The following ZNF518A variants were observed in gnomAD, a reference collection of about 807,000 sequenced individuals.
ZNF518A encodes the protein zinc finger protein 518.
A neutral mutation model predicts 102.7 loss-of-function variants in ZNF518A; 47 were observed. The ratio of observed to expected loss-of-function variants is 0.46; its 90% confidence interval spans 0.36 to 0.58. ZNF518A has a LOEUF of 0.58. Among genes scored for constraint, ZNF518A ranks in the 20% least tolerant of loss-of-function variants. The probability of loss-of-function intolerance (pLI) is 0.00; values close to 1 mark genes in which losing one functional copy is unlikely to be tolerated. For missense variants in ZNF518A, 1,793 were observed against 1,699.8 expected, an observed-to-expected ratio of 1.05 and a Z score of -0.96; for synonymous variants, 652 against 594.6, an observed-to-expected ratio of 1.10 and a Z score of -1.40.
intron 3 of ZNF518A, among the ~76,000 whole-genome samples, chr10:96,146,940 T>C (rs2082200183): frequency 6.6e-6 from 1 of 152,240 alleles, no homozygotes; most frequent in African/African-American, 2.4e-5. Context: ...GATCATAGTC[T>C]GGTTTTAGCT....
chr10:96,166,564 C>A (rs1448224649), downstream of ZNF518A, among the ~76,000 whole-genome samples: 3 of 152,024 alleles, frequency 2.0e-5, no homozygotes. Flanking sequence ...GTCAGGAGAT[C>A]GAGACCATCC....
At chr10:96,132,806 G>A (rs587708134) in intron 2 of ZNF518A, 136 bp downstream of exon 2, 6 of 152,016 alleles carry the variant, frequency 3.9e-5, no homozygotes, top group African/African-American at 7.2e-5. Flanking sequence ...AATTTTTTGA[G>A]TGCTGACATG....
chr10:96,201,136 AC>A, intron 1 of ZNF518A: 3 of 1,297,262 alleles, frequency 2.3e-6, no homozygotes, highest in Non-Finnish European at 3.4e-6. Flanking sequence ...CTAACACTGT[AC>A]TAGGTGCTGC....
At chr10:96,169,588 T>C (rs1470088935) in intron 1 of ZNF518A, among the ~76,000 whole-genome samples, 1 of 152,208 alleles carries the variant, frequency 6.6e-6, no homozygotes, top group East Asian at 1.9e-4. Context: ...TCTTTAAACA[T>C]GGTTTCTTTT....
intron 1 of ZNF518A, among the ~76,000 whole-genome samples, chr10:96,186,716 A>G (rs1554892617): frequency 6.6e-6 from 1 of 152,108 alleles, no homozygotes; most frequent in East Asian, 1.9e-4. Context: ...TATTATCTTC[A>G]TTTTACAAAT....
intron 3 of ZNF518A, among the ~76,000 whole-genome samples, chr10:96,142,559 A>G (rs2081988655): frequency 6.7e-6 from 1 of 150,146 alleles, no homozygotes. Context: ...TCATGAATAT[A>G]GCTAAGCTAA....
chr10:96,152,740 A>C (rs1430296513), intron 3 of ZNF518A, among the ~76,000 whole-genome samples: 1 of 152,254 alleles, frequency 6.6e-6, no homozygotes, highest in Non-Finnish European at 1.5e-5. Context: ...TACTGTACTG[A>C]ATAGTGTATG....
intron 3 of ZNF518A, among the ~76,000 whole-genome samples, chr10:96,153,873 ATG>A (rs2082569004): frequency 1.3e-5 from 2 of 152,334 alleles, no homozygotes; most frequent in South Asian, 4.1e-4. Flanking sequence ...CAGAAAAAGT[ATG>A]TATTACATTT....
In ZNF518A at chr10:96,192,028, C is replaced by T. The variant is rs782445849; in HGVS notation, n.36-11546C>T. On this transcript the variant is annotated intron_variant and non_coding_transcript_variant, in intron 1 of 2. Coordinates refer to the ZNF518A transcript ENST00000442635. ...GGTGGAATCTTTTGTGTTATTCTGA[C>T]TGTCAATAAGAACCAAAGGACTATG... 28 of 1,613,600 alleles carry T rather than the reference C, an allele frequency of 1.7e-5. No individual in the cohort carries two copies. Among genetic ancestry groups the T allele is most frequent in the Non-Finnish European group, 2.4e-5 (28 of 1,179,784 alleles).
chr10:96,141,097 A>G (rs2081901659), intron 3 of ZNF518A, among the ~76,000 whole-genome samples: 1 of 152,258 alleles, frequency 6.6e-6, no homozygotes. Context: ...TTTGAAAATG[A>G]GAGAATGAAT....
chr10:96,132,295 C>A (rs1340993347), intron 1 of ZNF518A, among the ~76,000 whole-genome samples: 1 of 151,088 alleles, frequency 6.6e-6, no homozygotes, highest in Non-Finnish European at 1.5e-5. Flanking sequence ...TGAATTGGAA[C>A]CGGATCCAGA....
chr10:96,137,673 C>T (rs2081673610), intron 3 of ZNF518A, among the ~76,000 whole-genome samples: 1 of 152,206 alleles, frequency 6.6e-6, no homozygotes, highest in South Asian at 2.1e-4. Flanking sequence ...TTTTTAATCT[C>T]TTTCTGTTGG....
At chr10:96,164,130 A>G (rs1179925967), downstream of ZNF518A, among the ~76,000 whole-genome samples, 2 of 152,250 alleles carry the variant, frequency 1.3e-5, no homozygotes, top group African/African-American at 4.8e-5. Flanking sequence ...TCTTTCAGTG[A>G]TTTGAAATAG....
At chr10:96,185,341 G>A (rs4344426) in intron 1 of ZNF518A, among the ~76,000 whole-genome samples, 12,062 of 152,078 alleles carry the variant, frequency 0.079, 977 homozygotes, top group African/African-American at 0.21. Flanking sequence ...GCTTTGTTCC[G>A]TTGCTGGCGA....
At chr10:96,140,420 C>G (rs1215251119) in intron 3 of ZNF518A, among the ~76,000 whole-genome samples, 1 of 152,096 alleles carries the variant, frequency 6.6e-6, no homozygotes, top group African/African-American at 2.4e-5. Context: ...ACATGTTCTC[C>G]CAGCAAATAG....
In ZNF518A at chr10:96,130,529, G is replaced by C. The variant is rs1554871176; in HGVS notation, c.-676G>C. 1.3e-5 allele frequency: 2 copies of C among 152,432 alleles called. No individual in the cohort carries two copies. Among genetic ancestry groups the C allele is most frequent in the African/African-American group, 4.8e-5 (2 of 41,468 alleles). 9.4% of individuals were successfully genotyped at this position (152,432 alleles called of 1,614,324 possible). A position where few individuals can be genotyped will look rare whatever the true frequency, so the allele number is the denominator to read the frequency against. Reference sequence around the variant, plus strand: ...AAGGGGCGGATCGGGCGCGGTGTTTGGGGCGAAGCTGGGCGCGCGGCGCTC... The same window carrying C: ...AAGGGGCGGATCGGGCGCGGTGTTTCGGGCGAAGCTGGGCGCGCGGCGCTC... On this transcript the variant is annotated 5_prime_UTR_variant, in exon 1 of 6. Transcript: ENST00000316045.
At chr10:96,181,100 G>A (rs1356299937) in intron 1 of ZNF518A, among the ~76,000 whole-genome samples, 3 of 152,228 alleles carry the variant, frequency 2.0e-5, no homozygotes, top group African/African-American at 4.8e-5. Flanking sequence ...GGCCAGTGAT[G>A]ATGAGCACTT....
chr10:96,191,526 T>C (rs2083329736), intron 1 of ZNF518A, among the ~76,000 whole-genome samples: 1 of 152,160 alleles, frequency 6.6e-6, no homozygotes, highest in Non-Finnish European at 1.5e-5. Flanking sequence ...ACATTACCTT[T>C]AATACCTTAT....
At chr10:96,199,640 C>CA (rs2083574942) in intron 1 of ZNF518A, 1 of 405,706 alleles carries the variant, frequency 2.5e-6, no homozygotes, top group Non-Finnish European at 5.0e-6. Flanking sequence ...CTTGTATCTA[C>CA]ACTTGTTGCA....
Sources: gnomAD v4.1 joint callset for allele counts (sites outside exome capture counted in the v4.1 genomes callset) on GRCh38, gnomAD v4.1.1 for gene constraint, MANE v1.5 for transcripts, NCBI Gene and HGNC (gene_info 2026-07-23, HGNC 2026-07-21) for gene names.